The following MOV10L1 variants were observed in gnomAD, a reference collection of about 807,000 sequenced individuals.
MOV10L1 encodes RNA helicase Mov10l1.
Under a neutral mutation model 143.8 loss-of-function variants are expected in MOV10L1, and 110 were observed. The observed-to-expected ratio is 0.76, with a 90% CI of 0.66 to 0.90. MOV10L1 has a LOEUF of 0.90. Ranked by LOEUF, MOV10L1 falls within the 40% of genes least tolerant of loss-of-function variation. The pLI, the probability that MOV10L1 is intolerant of heterozygous loss-of-function variation, is 0.00. For synonymous variants in MOV10L1, 593 were observed against 581.1 expected (o/e 1.02, Z -0.29); for missense variants, 1,406 against 1,526.8 (o/e 0.92, Z 1.32).
rs2062087119 is a variant in MOV10L1 at position 50,113,797 on chromosome 22, G to T, written c.884+9G>T. On this transcript the variant is annotated intron_variant, in intron 6 of 26. Transcript: ENST00000262794. ...ATGGTGATCTGGATAGAGTGAGTTT[G>T]CCACTGAAACATTTTCTATAAAGCT... The T allele has an allele frequency of 6.3e-7, 1 of 1,576,782 alleles. No homozygotes were observed. Among genetic ancestry groups the T allele is most frequent in the Non-Finnish European group, 8.6e-7 (1 of 1,162,178 alleles).
intron 20 of MOV10L1, among the ~76,000 whole-genome samples, chr22:50,149,950 G>A (rs1345093153): frequency 3.3e-5 from 5 of 152,232 alleles, no homozygotes; most frequent in Non-Finnish European, 5.9e-5. Flanking sequence ...TAGGTGTTGG[G>A]GATACAGCGG....
intron 9 of MOV10L1, among the ~76,000 whole-genome samples, chr22:50,118,970 T>G (rs1317300467): frequency 6.6e-6 from 1 of 152,148 alleles, no homozygotes; most frequent in Non-Finnish European, 1.5e-5. Context: ...GCTGTAGGGA[T>G]GTAACCCAGA....
chr22:50,099,948 A>G (rs1005062655), intron 3 of MOV10L1, among the ~76,000 whole-genome samples: 14 of 152,020 alleles, frequency 9.2e-5, no homozygotes, highest in South Asian at 2.1e-4. Context: ...TGAGTGGACT[A>G]TGGGAGAGGG....
intron 13 of MOV10L1, 86 bp downstream of exon 13, chr22:50,128,593 G>T: frequency 2.9e-6 from 2 of 692,644 alleles, no homozygotes; most frequent in Non-Finnish European, 4.7e-6. Context: ...TGCCCAGGCT[G>T]GATTTCAGTG....
At position 50,114,579 on chromosome 22, in the gene MOV10L1, G is replaced by A. The variant is rs1375408170; in HGVS notation, c.1083G>A (p.Gln361=). The change falls in exon 7 of 27, where the codon CAG becomes CAA. Residue 361 remains glutamine (Q), a synonymous_variant. Transcript: ENST00000262794. ...LNSHTKNKTS[Q]MSESSLVNNR... ...GCCACACAAAAAACAAAACCTCTCA[G>A]ATGTCGGAGAGCAGTTTGGTGAACA... is the stretch of plus-strand genomic sequence containing the variant. 1 of 1,614,046 alleles carries A rather than the reference G, an allele frequency of 6.2e-7. No homozygotes were observed. The highest frequency in any genetic ancestry group is 8.5e-7 in the Non-Finnish European group (1 of 1,180,038).
At chr22:50,117,073 T>C in intron 8 of MOV10L1, 84 bp from the exon 9 acceptor site, 1 of 1,298,148 alleles carries the variant, frequency 7.7e-7, no homozygotes, top group Non-Finnish European at 1.1e-6. Flanking sequence ...ACTCTGTCAC[T>C]TTTCTTGTAT....
rs765147634 is a variant in MOV10L1 at position 50,158,282 on chromosome 22, G to A, written c.3216+76G>A. Reference sequence around the variant, plus strand: ...TCCTTGGCTCCTGCAGCTCCACAGAGGCAGGAACAAGCTCCTTGTGAGCAG... The same window carrying A: ...TCCTTGGCTCCTGCAGCTCCACAGAAGCAGGAACAAGCTCCTTGTGAGCAG... On this transcript the variant is annotated intron_variant, in intron 23 of 26. Transcript: ENST00000262794. This position sits in a 1 kb window ranked among gnomAD's most constrained non-coding sequence, Gnocchi z 5.0. 15 of 1,564,392 alleles carry A rather than the reference G, an allele frequency of 9.6e-6. 1 individual carries two copies. In the East Asian group the frequency reaches 3.4e-4, roughly 35 times the overall value.
Position 50,126,228 on chromosome 22 carries a change from G to A in MOV10L1, c.1774G>A (p.Glu592Lys). Residue 592 changes from glutamate (E) to lysine (K), a missense_variant, in exon 12 of 27, where the codon GAG becomes AAG. Glu to Lys is a moderately conservative substitution (Grantham distance 56, BLOSUM62 1). This residue lies in a region of MOV10L1 where 1,233 missense variants were observed against 1,351.4 expected (regional missense o/e 0.91). Transcript: ENST00000262794. ...TGATAAACTGATTTTAAAAACTCAA[G>A]AGTACAATGGACATGCCATCGAATA... ...AGDKLILKTQ[E>K]YNGHAIEYIS... The A allele has an allele frequency of 6.2e-7, 1 of 1,611,828 alleles. No homozygotes were observed. Among genetic ancestry groups the A allele is most frequent in the Non-Finnish European group, 8.5e-7 (1 of 1,178,012 alleles).
At chr22:50,112,879 CT>C (rs1313507100) in intron 5 of MOV10L1, among the ~76,000 whole-genome samples, 1 of 152,246 alleles carries the variant, frequency 6.6e-6, no homozygotes, top group African/African-American at 2.4e-5. Flanking sequence ...CTCTCTGCCC[CT>C]GTACCTCCCT....
chr22:50,120,367 A>G lies in MOV10L1; in HGVS notation c.1455-135A>G, dbSNP rs540617974. 49 of 622,202 alleles carry G rather than the reference A, an allele frequency of 7.9e-5. No individual in the cohort carries two copies. In the African/African-American group the frequency reaches 8.5e-4, roughly 11 times the overall value. The allele number at this position is 622,202 out of a possible 1,614,324, so 38.5% of individuals were successfully genotyped here. ...TTCAAACCACTGCCTTAGACCAGCT[A>G]TTCATATATCAGTTCTTCTCAGGAA... On this transcript the variant is annotated intron_variant, in intron 9 of 26. Coordinates refer to ENST00000262794, the MANE Select transcript of MOV10L1 (RefSeq NM_018995.3).
chr22:50,149,792 G>C, intron 20 of MOV10L1, 78 bp downstream of exon 20: 1 of 1,345,856 alleles, frequency 7.4e-7, no homozygotes, highest in Non-Finnish European at 1.0e-6. Flanking sequence ...ATCCTGCCGG[G>C]AACAGTCACA....
chr22:50,092,235 G>C (rs1490186494), intron 2 of MOV10L1, 50 bp downstream of exon 2: 4 of 1,541,810 alleles, frequency 2.6e-6, no homozygotes, highest in Non-Finnish European at 3.6e-6. Context: ...ACGGGACTTT[G>C]TGTTGTTTTT....
At chr22:50,102,941 A>C (rs2061782608) in intron 3 of MOV10L1, among the ~76,000 whole-genome samples, 1 of 152,142 alleles carries the variant, frequency 6.6e-6, no homozygotes, top group Admixed American at 6.5e-5. Flanking sequence ...TCTGCTCTGC[A>C]GCAACTGTCC....
rs749299628 is a variant in MOV10L1 at position 50,092,022 on chromosome 22, T to C, written c.119T>C (p.Val40Ala). 21 of 1,614,072 alleles carry C rather than the reference T, an allele frequency of 1.3e-5. No individual in the cohort carries two copies. Among genetic ancestry groups the C allele is most frequent in the Admixed American group, 1.7e-5 (1 of 59,996 alleles). ...TCAGGTGACACTAAGCTGAAAACTG[T>C]ACGGGGTGTCGTGACAAGGTACTGC... is the stretch of plus-strand genomic sequence containing the variant. ...LAEGDTKLKTVRGVVTRYCSD... is the reference protein window; with the variant it reads ...LAEGDTKLKTARGVVTRYCSD... The change falls in exon 2 of 27, where the codon GTA becomes GCA. Residue 40 changes from valine (V) to alanine (A), a missense_variant. By Grantham distance (64) the Val-to-Ala change is moderately conservative. Transcript: ENST00000262794.
rs74603238 is a variant in MOV10L1, at chr22:50,121,867, T to C, written c.1569+1251T>C. On this transcript the variant is annotated intron_variant, in intron 10 of 26. Transcript: ENST00000262794. ...TCAGGAAATTTGAGTCCTCCAGCTT[T>C]GTTGTTCTTTGGCAGAATTTATTTT... Among the ~76,000 whole-genome samples the C allele has an allele frequency of 2.1e-3, 313 of 152,192 alleles. 2 individuals carry two copies. The highest frequency in any genetic ancestry group is 7.4e-3 in the African/African-American group (308 of 41,574).
At chr22:50,111,624 C>G (rs1215855646) in intron 5 of MOV10L1, among the ~76,000 whole-genome samples, 1 of 151,608 alleles carries the variant, frequency 6.6e-6, no homozygotes, top group Non-Finnish European at 1.5e-5. Context: ...CCACCTCAGC[C>G]TCCTGAGTAG....
rs1455856322 is a variant in MOV10L1 at position 50,152,356 on chromosome 22, G to A, written c.2893-689G>A. Among the ~76,000 whole-genome samples the A allele has an allele frequency of 2.6e-5, 4 of 152,188 alleles. No individual in the cohort carries two copies. The highest frequency in any genetic ancestry group is 2.9e-5 in the Non-Finnish European group (2 of 68,006). On this transcript the variant is annotated intron_variant, in intron 21 of 26. Transcript: ENST00000262794. This position sits in a 1 kb window ranked among gnomAD's most constrained non-coding sequence, Gnocchi z 4.4. ...AATACATGGGTCACGTGATGAGCAG[G>A]GTCAAGACTGAGCATTGCTCTGACT...
Position 50,161,426 on chromosome 22 carries a change from G to T in MOV10L1, c.3613G>T (p.Glu1205Ter). 1 of 1,598,706 alleles carries T rather than the reference G, an allele frequency of 6.3e-7. No individual in the cohort carries two copies. The highest frequency in any genetic ancestry group is 8.5e-7 in the Non-Finnish European group (1 of 1,172,702). Residue 1205 changes from glutamate to a stop codon, truncating the protein, a stop_gained, in exon 27 of 27, where the codon GAG becomes TAG. Coordinates refer to ENST00000262794, the MANE Select transcript of MOV10L1 (RefSeq NM_018995.3). LOFTEE classifies it low-confidence loss of function (END_TRUNC). ...YPVVPESTGP[E>*]KHQEPS ...AGTGGTGCCAGAATCCACAGGACCA[G>T]AGAAGCATCAGGAGCCCAGCTGATC... is the stretch of plus-strand genomic sequence containing the variant.
At chr22:50,104,028 G>C (rs2061809246) in intron 3 of MOV10L1, among the ~76,000 whole-genome samples, 1 of 152,156 alleles carries the variant, frequency 6.6e-6, no homozygotes, top group Non-Finnish European at 1.5e-5. Context: ...GAACTAGATG[G>C]TCCCATCTGG....
Sources: allele counts gnomAD v4.1 joint callset (sites outside exome capture counted in the v4.1 genomes callset), GRCh38; gene constraint gnomAD v4.1.1; regional missense constraint gnomAD v4.1.1; non-coding constraint Gnocchi (gnomAD v3.1); transcripts MANE v1.5; gene names NCBI Gene and HGNC (gene_info 2026-07-23, HGNC 2026-07-21).